The following SNTG1 variants were observed in gnomAD, a reference collection of about 807,000 sequenced individuals.
The protein encoded by SNTG1 is syntrophin gamma 1.
In SNTG1, 39 loss-of-function variants were observed where a neutral mutation model predicts 74.7. That is an observed-to-expected ratio of 0.52 (90% CI 0.40 to 0.68). The LOEUF (loss-of-function observed/expected upper bound fraction) is 0.68. Among genes scored for constraint, SNTG1 ranks in the 30% least tolerant of loss-of-function variants. SNTG1 has a pLI of 0.00. For missense variants in SNTG1, 685 were observed against 609.5 expected (o/e 1.12, Z -1.30); for synonymous variants, 254 against 217.1 (o/e 1.17, Z -1.49).
In SNTG1 at chr8:50,450,702, T is replaced by C. The variant is rs751360879; in HGVS notation, c.336T>C (p.Asn112=). The C allele has an allele frequency of 3.4e-5, 55 of 1,613,276 alleles. No individual in the cohort carries two copies. The highest frequency in any genetic ancestry group is 4.1e-5 in the Non-Finnish European group (48 of 1,179,752). The stretch of plus-strand genomic sequence containing the variant: ...TTTCATTGCAGATAAATGGCATTAA[T>C]GTGAGAAAATGTAGACATGAAGAAG... The part of the protein sequence containing the change: ...GDAILQINGI[N]VRKCRHEEVV... Residue 112 remains asparagine, a synonymous_variant, in exon 8 of 19, where the codon AAT becomes AAC. Transcript: ENST00000642720.
At chr8:50,728,019 A>G (rs533186666) in intron 17 of SNTG1, among the ~76,000 whole-genome samples, 2 of 152,240 alleles carry the variant, frequency 1.3e-5, no homozygotes, top group South Asian at 4.2e-4. Context: ...CTTGCACAGT[A>G]CAGAGTTGTC....
intron 2 of SNTG1, among the ~76,000 whole-genome samples, chr8:50,363,815 T>C (rs184117300): frequency 6.6e-6 from 1 of 152,256 alleles, no homozygotes; most frequent in Admixed American, 6.5e-5. Flanking sequence ...GGAGAATCTC[T>C]CATAGGCATT....
intron 2 of SNTG1, among the ~76,000 whole-genome samples, chr8:50,363,154 C>A (rs919726042): frequency 6.6e-6 from 1 of 152,106 alleles, no homozygotes; most frequent in Non-Finnish European, 1.5e-5. Flanking sequence ...CCAGATTTAG[C>A]GACTAAATCA....
At chr8:50,553,277 C>A (rs2094437790) in intron 12 of SNTG1, 98 bp downstream of exon 12, 1 of 1,457,816 alleles carries the variant, frequency 6.9e-7, no homozygotes, top group Non-Finnish European at 9.3e-7. Flanking sequence ...TGGTGTTCTT[C>A]TCAGAATGAG....
At chr8:50,481,056 A>G (rs572256410) in intron 8 of SNTG1, among the ~76,000 whole-genome samples, 1 of 152,334 alleles carries the variant, frequency 6.6e-6, no homozygotes, top group South Asian at 2.1e-4. Flanking sequence ...CCCACAAAAC[A>G]AGGCAGTAAT....
chr8:50,414,033 G>A (rs530329094), intron 4 of SNTG1, among the ~76,000 whole-genome samples: 1 of 152,048 alleles, frequency 6.6e-6, no homozygotes, highest in African/African-American at 2.4e-5. Flanking sequence ...GTAATTGCAA[G>A]ATCTGCAGTC....
At chr8:50,116,927 A>C (rs2080844283) in intron 1 of SNTG1, among the ~76,000 whole-genome samples, 1 of 152,300 alleles carries the variant, frequency 6.6e-6, no homozygotes, top group South Asian at 2.1e-4. Flanking sequence ...TGGCATTTTA[A>C]GTTAAGTGGA....
At chr8:49,996,537 G>A (rs373171034) in intron 1 of SNTG1, among the ~76,000 whole-genome samples, 20 of 152,000 alleles carry the variant, frequency 1.3e-4, no homozygotes, top group South Asian at 6.2e-4. Context: ...CTTGGAATAA[G>A]GACAAGCTTA....
At chr8:50,348,050 G>T (rs752444665) in intron 2 of SNTG1, among the ~76,000 whole-genome samples, 1 of 152,092 alleles carries the variant, frequency 6.6e-6, no homozygotes, top group Non-Finnish European at 1.5e-5. Context: ...GCAGTTAATT[G>T]CTCTGATTGA....
At chr8:50,049,704 G>A (rs1009378060) in intron 1 of SNTG1, among the ~76,000 whole-genome samples, 4 of 151,886 alleles carry the variant, frequency 2.6e-5, no homozygotes, top group Non-Finnish European at 4.4e-5. Flanking sequence ...ACTACATTCG[G>A]GGCCATAAAG....
At chr8:50,453,150 G>C (rs771280745) in intron 8 of SNTG1, among the ~76,000 whole-genome samples, 11 of 152,168 alleles carry the variant, frequency 7.2e-5, no homozygotes, top group Non-Finnish European at 1.6e-4. Context: ...GTCTTCAAAA[G>C]TGTAAATGTT....
At chr8:49,926,944 A>G (rs1343036551) in intron 1 of SNTG1, among the ~76,000 whole-genome samples, 1 of 152,232 alleles carries the variant, frequency 6.6e-6, no homozygotes, top group Admixed American at 6.5e-5. Flanking sequence ...CTTAACAAAC[A>G]TCTCACCAAA....
At chr8:50,153,876 G>C (rs973825872) in intron 1 of SNTG1, among the ~76,000 whole-genome samples, 7 of 152,170 alleles carry the variant, frequency 4.6e-5, no homozygotes, top group Non-Finnish European at 1.0e-4. Flanking sequence ...GAGGCAGTCT[G>C]TCTGTTCTCA....
At chr8:50,783,805 C>T (rs554770840) in intron 18 of SNTG1, among the ~76,000 whole-genome samples, 1 of 152,188 alleles carries the variant, frequency 6.6e-6, no homozygotes, top group African/African-American at 2.4e-5. Context: ...ACGCTGGGAG[C>T]TGTAGACTGG....
At chr8:50,521,869 T>C (rs1047088444) in intron 9 of SNTG1, among the ~76,000 whole-genome samples, 4 of 152,146 alleles carry the variant, frequency 2.6e-5, no homozygotes, top group African/African-American at 9.6e-5. Flanking sequence ...TCTCCAGCTA[T>C]TTCCATCACA....
intron 1 of SNTG1, among the ~76,000 whole-genome samples, chr8:49,912,989 T>G (rs1256496597): frequency 6.6e-6 from 1 of 152,200 alleles, no homozygotes; most frequent in Non-Finnish European, 1.5e-5. Context: ...ACCATAAACT[T>G]TAAAATGCTA....
intron 2 of SNTG1, among the ~76,000 whole-genome samples, chr8:50,369,963 G>T (rs1190147109): frequency 6.6e-6 from 1 of 152,114 alleles, no homozygotes; most frequent in East Asian, 1.9e-4. Context: ...ATATTCCATG[G>T]TGTCTATATT....
rs1454694745 is a variant in SNTG1 at position 49,980,500 on chromosome 8, C to T, written c.-103+68269C>T. On this transcript the variant is annotated intron_variant, in intron 1 of 18. Transcript: ENST00000642720. ...TTCCTGCTTTACTTTCTCCTCACAT[C>T]CCTTCCTGTAGACTCCTTCGCAAAA... Among the ~76,000 whole-genome samples, 64 of 134,102 alleles carry T rather than the reference C, an allele frequency of 4.8e-4. 3 individuals carry two copies. The highest frequency in any genetic ancestry group is 1.5e-5 in the Non-Finnish European group (1 of 65,942). The allele number at this position is 134,102 out of a possible 152,430, so 88.0% of individuals were successfully genotyped here. A position where few individuals can be genotyped will look rare whatever the true frequency, so the allele number is the denominator to read the frequency against.
intron 12 of SNTG1, 100 bp downstream of exon 12, chr8:50,553,279 C>A: frequency 7.0e-7 from 1 of 1,420,556 alleles, no homozygotes; most frequent in Non-Finnish European, 9.6e-7. Context: ...GTGTTCTTCT[C>A]AGAATGAGAC....
Sources: allele counts gnomAD v4.1 joint callset (sites outside exome capture counted in the v4.1 genomes callset), GRCh38; gene constraint gnomAD v4.1.1; transcripts MANE v1.5; gene names NCBI Gene and HGNC (gene_info 2026-07-23, HGNC 2026-07-21).